SLC2A5: variants seen among roughly 807,000 people sequenced by gnomAD.
SLC2A5 encodes solute carrier family 2 member 5, also known as solute carrier family 2, facilitated glucose transporter member 5.
In SLC2A5, 56 loss-of-function variants were observed where a neutral mutation model predicts 50.3. That is an observed-to-expected ratio of 1.11 (90% confidence interval 0.90 to 1.39). The LOEUF (loss-of-function observed/expected upper bound fraction) is 1.39. SLC2A5 is among the 40% of genes most tolerant of loss of function. The probability of loss-of-function intolerance (pLI) is 0.00; values close to 1 mark genes in which losing one functional copy is unlikely to be tolerated. For missense variants in SLC2A5, 566 were observed against 650.1 expected (o/e 0.87, Z 1.41); for synonymous variants, 269 against 281.9 (o/e 0.95, Z 0.46).
chr1:9,041,616 G>T (rs746733085), intron 5 of SLC2A5, 169 bp downstream of exon 5: 5 of 1,467,770 alleles, frequency 3.4e-6, no homozygotes, highest in Non-Finnish European at 4.5e-6. Flanking sequence ...TTTGTCCATG[G>T]CCTGCTATGT....
intron 1 of SLC2A5, among the ~76,000 whole-genome samples, chr1:9,086,904 A>G (rs1209708390): frequency 2.0e-5 from 3 of 152,212 alleles, no homozygotes; most frequent in Non-Finnish European, 4.4e-5. Context: ...CTAATGGCTA[A>G]TGTCAGCATA....
chr1:9,049,879 G>A (rs1248002228), intron 3 of SLC2A5, among the ~76,000 whole-genome samples: 1 of 152,092 alleles, frequency 6.6e-6, no homozygotes, highest in South Asian at 2.1e-4. Context: ...GCTCATGCCC[G>A]TAATCTCAGC....
chr1:9,066,901 C>G (rs991264930), intron 1 of SLC2A5, among the ~76,000 whole-genome samples: 4 of 151,838 alleles, frequency 2.6e-5, no homozygotes, highest in Admixed American at 2.0e-4. Flanking sequence ...TTGCTGGAGC[C>G]CCGGACTTCA....
At chr1:9,089,090 G>A (rs76809160), upstream of SLC2A5, among the ~76,000 whole-genome samples, 5,324 of 152,200 alleles carry the variant, frequency 0.035, 316 homozygotes, top group East Asian at 0.24. Flanking sequence ...TGAAACACAC[G>A]CAGATAAACT....
intron 1 of SLC2A5, among the ~76,000 whole-genome samples, chr1:9,068,046 C>T (rs934093113): frequency 5.9e-5 from 9 of 151,600 alleles, no homozygotes; most frequent in Admixed American, 2.6e-4. Flanking sequence ...AAAAATTAGC[C>T]GGGTGTGGTG....
chr1:9,077,682 T>C (rs1038946331), intron 2 of SLC2A5, among the ~76,000 whole-genome samples: 4 of 145,826 alleles, frequency 2.7e-5, no homozygotes, highest in African/African-American at 7.7e-5. Context: ...TTGAACCTGG[T>C]TGCAGTGAGC....
In SLC2A5 at chr1:9,037,217, A is replaced by G. The variant is rs564182259; in HGVS notation, c.*369T>C. On this transcript the variant is annotated 3_prime_UTR_variant, in exon 12 of 12. Transcript: ENST00000377424. ...AAGTTAGTTTCTCTGGCAAAATTTG[A>G]TTCCTTCCATCTCACCACTATAGTA... 98 of 212,724 alleles carry G rather than the reference A, an allele frequency of 4.6e-4. No individual in the cohort carries two copies. The highest frequency in any genetic ancestry group is 7.8e-4 in the Non-Finnish European group (82 of 105,082). The allele number at this position is 212,724 out of a possible 1,614,324, so 13.2% of individuals were successfully genotyped here.
intron 3 of SLC2A5, among the ~76,000 whole-genome samples, chr1:9,052,164 G>A (rs1641595620): frequency 6.6e-6 from 1 of 152,112 alleles, no homozygotes; most frequent in African/African-American, 2.4e-5. Flanking sequence ...TGCACCTGTA[G>A]TCCCAGCTAC....
rs1641786766 is a variant in SLC2A5, at chr1:9,057,441, C to A, written c.293+7G>T. On this transcript the variant is annotated splice_region_variant and intron_variant, in intron 3 of 11. Coordinates refer to ENST00000377424, the MANE Select transcript of SLC2A5 (RefSeq NM_003039.3). ...TTTCAGGGAATTAAAAATTCACCTT[C>A]CCTTACCTGCCAAATTTATTCACCA... 5 of 1,607,034 alleles carry A rather than the reference C, an allele frequency of 3.1e-6. No homozygotes were observed. The highest frequency in any genetic ancestry group is 4.2e-6 in the Non-Finnish European group (5 of 1,176,708).
At chr1:9,075,602 T>A (rs1642273844) in intron 2 of SLC2A5, among the ~76,000 whole-genome samples, 1 of 152,178 alleles carries the variant, frequency 6.6e-6, no homozygotes. Context: ...AGCAGGACAG[T>A]TGAAGATATT....
At chr1:9,053,072 T>TTTATATATTAATATATAATATATA (rs1641622069) in intron 3 of SLC2A5, among the ~76,000 whole-genome samples, 2 of 110,246 alleles carry the variant, frequency 1.8e-5, no homozygotes, top group Non-Finnish European at 3.3e-5. Context: ...ATATTATATA[T>TTTATATATTAATATATAATATATA]TTATATATTA....
At chr1:9,047,371 C>T (rs1641461918) in intron 4 of SLC2A5, among the ~76,000 whole-genome samples, 1 of 152,212 alleles carries the variant, frequency 6.6e-6, no homozygotes, top group African/African-American at 2.4e-5. Flanking sequence ...ATTGGAATGA[C>T]ACTTCCCAGG....
intron 1 of SLC2A5, among the ~76,000 whole-genome samples, chr1:9,068,482 G>A (rs185385964): frequency 7.8e-4 from 107 of 136,674 alleles, no homozygotes; most frequent in African/African-American, 2.9e-3. Context: ...ATGAAGTTTC[G>A]CTCTTGTTGA....
rs553836933 is a variant in SLC2A5, at chr1:9,052,533, C to A, written c.294-4799G>T. Among the ~76,000 whole-genome samples, 19 of 152,190 alleles carry A rather than the reference C, an allele frequency of 1.2e-4. No homozygotes were observed. In the Middle Eastern group the frequency reaches 0.014, roughly 109 times the overall value. ...TAGAATGCACAACATCAAGAGTAAACCCTAATGTACACTATGAACCTTGGG... is the reference window on the plus strand; with the variant it reads ...TAGAATGCACAACATCAAGAGTAAAACCTAATGTACACTATGAACCTTGGG... On this transcript the variant is annotated intron_variant, in intron 3 of 11. Transcript: ENST00000377424.
upstream of SLC2A5, among the ~76,000 whole-genome samples, chr1:9,088,967 C>G (rs1042247437): frequency 3.3e-5 from 5 of 152,192 alleles, no homozygotes; most frequent in African/African-American, 1.2e-4. Flanking sequence ...CTCTCATTAT[C>G]GCAAGAAATT....
upstream of SLC2A5, chr1:9,071,930 C>T: frequency 6.1e-6 from 1 of 162,752 alleles, no homozygotes; most frequent in Non-Finnish European, 1.3e-5. Flanking sequence ...GGGTCCCCCT[C>T]GGCCTCTGCC....
At position 9,040,043 on chromosome 1, in the gene SLC2A5, C is replaced by T. The variant is rs1332370853; in HGVS notation, c.697+21G>A. 4 of 1,583,596 alleles carry T rather than the reference C, an allele frequency of 2.5e-6. No individual in the cohort carries two copies. In the South Asian group the frequency reaches 4.5e-5, roughly 18 times the overall value. Reference sequence around the variant, plus strand: ...CTGGGGAGCAGAACCTGGAGGCCGCCCCCGCCAGAGCCCTCGTTACCTTTC... The same window carrying T: ...CTGGGGAGCAGAACCTGGAGGCCGCTCCCGCCAGAGCCCTCGTTACCTTTC... On this transcript the variant is annotated intron_variant, in intron 6 of 11. Coordinates refer to ENST00000377424, the MANE Select transcript of SLC2A5 (RefSeq NM_003039.3). The surrounding 1 kb of genome is among the most constrained non-coding windows in gnomAD (Gnocchi z 4.3).
chr1:9,071,331 A>T (rs1195305287), upstream of SLC2A5, among the ~76,000 whole-genome samples: 3 of 152,150 alleles, frequency 2.0e-5, no homozygotes, highest in Admixed American at 1.3e-4. Context: ...AATAGCTGGA[A>T]CCCGGGAGGC....
the SLC2A5 span, among the ~76,000 whole-genome samples, chr1:9,093,772 G>A: frequency 6.6e-6 from 1 of 151,440 alleles, no homozygotes; most frequent in East Asian, 1.9e-4. Flanking sequence ...CCTTTTTTTC[G>A]GAGACCTGGA....
Sources: allele counts gnomAD v4.1 joint callset (sites outside exome capture counted in the v4.1 genomes callset), GRCh38; gene constraint gnomAD v4.1.1; non-coding constraint Gnocchi (gnomAD v3.1); transcripts MANE v1.5; gene names NCBI Gene and HGNC (gene_info 2026-07-23, HGNC 2026-07-21).